DPF3: variants seen among roughly 807,000 people sequenced by gnomAD.
The protein encoded by DPF3 is double PHD fingers 3, also known as zinc finger protein DPF3.
A neutral mutation model predicts 56.8 loss-of-function variants in DPF3; 18 were observed. That is an observed-to-expected ratio of 0.32 (90% CI 0.22 to 0.47). The LOEUF is 0.47. Among genes scored for constraint, DPF3 ranks in the 20% least tolerant of loss-of-function variants. The pLI, the probability that DPF3 is intolerant of heterozygous loss-of-function variation, is 1.00. For synonymous variants in DPF3, 188 were observed against 180.2 expected (o/e 1.04, Z -0.35); for missense variants, 403 against 488.8 (o/e 0.82, Z 1.65).
intron 1 of DPF3, among the ~76,000 whole-genome samples, chr14:72,798,444 G>A (rs1892728532): frequency 6.6e-6 from 1 of 152,036 alleles, no homozygotes; most frequent in Non-Finnish European, 1.5e-5. Flanking sequence ...ATACATGTAT[G>A]AAACCAAGAT....
At chr14:72,847,621 C>G (rs1268789245) in intron 1 of DPF3, among the ~76,000 whole-genome samples, 1 of 152,040 alleles carries the variant, frequency 6.6e-6, no homozygotes, top group Non-Finnish European at 1.5e-5. Context: ...AAGTGATTCT[C>G]CCACCTCAGC....
chr14:72,878,876 G>C (rs186099096), intron 1 of DPF3, among the ~76,000 whole-genome samples: 181 of 152,334 alleles, frequency 1.2e-3, no homozygotes, highest in Admixed American at 2.0e-3. Context: ...ACCTGCATCT[G>C]TTTCCCAACT....
intron 1 of DPF3, among the ~76,000 whole-genome samples, chr14:72,825,471 A>G (rs1185094687): frequency 2.6e-5 from 4 of 152,248 alleles, no homozygotes; most frequent in African/African-American, 9.6e-5. Flanking sequence ...AGCACACTCA[A>G]ATTGTTTCAT....
intron 1 of DPF3, among the ~76,000 whole-genome samples, chr14:72,856,141 A>G (rs543813507): frequency 9.2e-5 from 14 of 152,222 alleles, no homozygotes; most frequent in African/African-American, 3.1e-4. Flanking sequence ...ACTTACTCCA[A>G]CTACACAAGG....
chr14:72,693,449 G>A (rs987581432), intron 6 of DPF3, among the ~76,000 whole-genome samples: 1 of 152,120 alleles, frequency 6.6e-6, no homozygotes, highest in South Asian at 2.1e-4. Context: ...AGAGCTGTGT[G>A]AGCACTCCAC....
At chr14:72,893,919 G>C (rs945679784) in intron 1 of DPF3, 138 bp downstream of exon 1, 1 of 910,886 alleles carries the variant, frequency 1.1e-6, no homozygotes, top group South Asian at 1.4e-5. Flanking sequence ...AGAAGTAAGA[G>C]CTGAAAGAAG....
At chr14:72,873,587 G>A (rs1207432298) in intron 1 of DPF3, among the ~76,000 whole-genome samples, 1 of 152,132 alleles carries the variant, frequency 6.6e-6, no homozygotes, top group Non-Finnish European at 1.5e-5. Flanking sequence ...ATACCCAAAG[G>A]GTTATAAATC....
Position 72,612,814 on chromosome 14 carries a change from G to A in DPF3, c.*6483C>T, listed in dbSNP as rs967333642. On this transcript the variant is annotated 3_prime_UTR_variant, in exon 11 of 11. Transcript: ENST00000556509. The stretch of plus-strand genomic sequence containing the variant: ...GGAAGAGAAGGAGAGAGGTCGCGGA[G>A]CCAGTAGCTTTCCAAGCACAAGGCT... 1.3e-5 allele frequency among the ~76,000 whole-genome samples: 2 copies of A among 152,246 alleles called. No individual in the cohort carries two copies. Among genetic ancestry groups the A allele is most frequent in the African/African-American group, 4.8e-5 (2 of 41,458 alleles).
chr14:72,695,785 C>T (rs1456189600), intron 6 of DPF3, among the ~76,000 whole-genome samples: 5 of 151,686 alleles, frequency 3.3e-5, no homozygotes, highest in Non-Finnish European at 7.4e-5. Flanking sequence ...AATAGAAGCC[C>T]AAACCTTAGC....
chr14:72,619,471 C>T, intron 10 of DPF3, 104 bp from the exon 11 acceptor site: 1 of 1,323,564 alleles, frequency 7.6e-7, no homozygotes, highest in Non-Finnish European at 1.0e-6. Context: ...TGAACTTTGG[C>T]AATGCAGAAA....
rs1025645409 is a variant in DPF3 at position 72,615,584 on chromosome 14, G to A, written c.*3713C>T. On this transcript the variant is annotated 3_prime_UTR_variant, in exon 11 of 11. Coordinates refer to ENST00000556509, the MANE Select transcript of DPF3 (RefSeq NM_001280542.3). ...CCTGTTCTCTTCCCCAGTTCTGGAG[G>A]AATCTGGCCTCCTTCCCTCCCTTCC... Among the ~76,000 whole-genome samples the A allele has an allele frequency of 1.3e-5, 2 of 152,110 alleles. No individual in the cohort carries two copies. The highest frequency in any genetic ancestry group is 2.9e-5 in the Non-Finnish European group (2 of 68,010).
intron 1 of DPF3, among the ~76,000 whole-genome samples, chr14:72,795,291 A>ATATATAT (rs1158510213): frequency 2.9e-3 from 357 of 122,316 alleles, no homozygotes; most frequent in Non-Finnish European, 5.1e-3. Context: ...AAAAAAAAAA[A>ATATATAT]AAAAATATAT....
At chr14:72,620,012 G>A in intron 9 of DPF3, 28 bp from the exon 10 acceptor site, 1 of 1,513,742 alleles carries the variant, frequency 6.6e-7, no homozygotes. Flanking sequence ...AAGCACAGAG[G>A]AGGAGAGATT....
chr14:72,675,373 C>T (rs1330582450), intron 7 of DPF3: 2 of 152,220 alleles, frequency 1.3e-5, no homozygotes, highest in Non-Finnish European at 2.9e-5. Context: ...TTCACACTCC[C>T]TGTTTGTAAC....
rs1234273294 is a variant in DPF3, at chr14:72,616,401, C to G, written c.*2896G>C. Among the ~76,000 whole-genome samples the G allele has an allele frequency of 6.6e-6, 1 of 152,152 alleles. No homozygotes were observed. The highest frequency in any genetic ancestry group is 1.5e-5 in the Non-Finnish European group (1 of 68,036). On this transcript the variant is annotated 3_prime_UTR_variant, in exon 11 of 11. Coordinates refer to ENST00000556509, the MANE Select transcript of DPF3 (RefSeq NM_001280542.3). ...ACATCCCTCACCTCCACCCCACAGC[C>G]CATGCAAGTCATGATTTCCTTGGTC...
At chr14:72,831,747 C>T (rs956379489) in intron 1 of DPF3, among the ~76,000 whole-genome samples, 3 of 152,230 alleles carry the variant, frequency 2.0e-5, no homozygotes, top group African/African-American at 4.8e-5. Flanking sequence ...CTAAATCTCA[C>T]TTTTCCTGAA....
rs45482597 is a variant in DPF3 at position 72,610,213 on chromosome 14, A to C, written c.*9084T>G. ...TCTAGAGACATCAATGGAGGCAGCA[A>C]TTGGAGATCTCAGTGTGTTTCCAGG... On this transcript the variant is annotated 3_prime_UTR_variant, in exon 11 of 11. Transcript: ENST00000556509. Among the ~76,000 whole-genome samples the C allele has an allele frequency of 3.6e-3, 550 of 152,338 alleles. 3 individuals are homozygous for C. The highest frequency in any genetic ancestry group is 7.0e-3 in the Non-Finnish European group (474 of 68,028).
intron 1 of DPF3, among the ~76,000 whole-genome samples, chr14:72,802,926 T>A (rs1892944920): frequency 6.6e-6 from 1 of 152,056 alleles, no homozygotes; most frequent in Non-Finnish European, 1.5e-5. Context: ...AATGACCACA[T>A]CCTGCCATCA....
intron 3 of DPF3, among the ~76,000 whole-genome samples, chr14:72,750,348 A>C (rs912840609): frequency 3.3e-5 from 5 of 152,302 alleles, no homozygotes; most frequent in African/African-American, 1.2e-4. Flanking sequence ...TAGTGCTAAA[A>C]GTCTTTGCTT....
Sources: gnomAD v4.1 joint callset for allele counts (sites outside exome capture counted in the v4.1 genomes callset) on GRCh38, gnomAD v4.1.1 for gene constraint, MANE v1.5 for transcripts, NCBI Gene and HGNC (gene_info 2026-07-23, HGNC 2026-07-21) for gene names.